Variants in ADGRL1 observed in about 807,000 individuals in gnomAD.
The protein encoded by ADGRL1 is adhesion G protein-coupled receptor L1, also known as CIRL-1.
In ADGRL1, 31 loss-of-function variants were observed where a neutral mutation model predicts 148.9. That is an observed-to-expected ratio of 0.21 (90% CI 0.16 to 0.28). The LOEUF (loss-of-function observed/expected upper bound fraction) is 0.28, where lower values mean the gene tolerates loss of function less well. ADGRL1 is among the 10% of genes least tolerant of loss of function. The pLI is 1.00. For synonymous variants in ADGRL1, 937 were observed against 900.3 expected (o/e 1.04, Z -0.73); for missense variants, 1,521 against 2,058.8 (o/e 0.74, Z 5.05).
At chr19:14,181,814 G>A (rs1971218208) in intron 2 of ADGRL1, among the ~76,000 whole-genome samples, 1 of 152,152 alleles carries the variant, frequency 6.6e-6, no homozygotes. Flanking sequence ...TACAGCCCCG[G>A]GTCATCCTGC....
chr19:14,155,535 T>TGGGG lies in ADGRL1; in HGVS notation c.3126-12_3126-9dup. ...GCCCCCAGCGCCCAGGATCTGGGAG[T>TGGGG]GGGGCGACAGGGGAGTCAAAGTACC... is the stretch of plus-strand genomic sequence containing the variant. On this transcript the variant is annotated splice_polypyrimidine_tract_variant and intron_variant, in intron 17 of 22. Coordinates refer to ENST00000361434, the MANE Select transcript of ADGRL1 (RefSeq NM_014921.5). The surrounding 1 kb of genome is among the most constrained non-coding windows in gnomAD (Gnocchi z 5.0). The TGGGG allele has an allele frequency of 6.2e-7, 1 of 1,612,624 alleles. No homozygotes were observed. The highest frequency in any genetic ancestry group is 8.5e-7 in the Non-Finnish European group (1 of 1,179,640).
chr19:14,161,692 G>A lies in ADGRL1; in HGVS notation c.1196-66C>T. Reference sequence around the variant, plus strand: ...GGCCATGCCACAGTGTGCTTGGGCAGGGGGTCCCAGGCCATCTTAGCATCT... The same window carrying A: ...GGCCATGCCACAGTGTGCTTGGGCAAGGGGTCCCAGGCCATCTTAGCATCT... On this transcript the variant is annotated intron_variant, in intron 5 of 22. Coordinates refer to ENST00000361434, the MANE Select transcript of ADGRL1 (RefSeq NM_014921.5). This position sits in a 1 kb window ranked among gnomAD's most constrained non-coding sequence, Gnocchi z 4.4. The A allele has an allele frequency of 8.7e-7, 1 of 1,152,714 alleles. No individual in the cohort carries two copies. Among genetic ancestry groups the A allele is most frequent in the Non-Finnish European group, 1.1e-6 (1 of 886,580 alleles). The allele number at this position is 1,152,714 out of a possible 1,614,324, so 71.4% of individuals were successfully genotyped here.
At chr19:14,172,365 T>C (rs1217041606) in intron 3 of ADGRL1, among the ~76,000 whole-genome samples, 5 of 151,806 alleles carry the variant, frequency 3.3e-5, no homozygotes, top group South Asian at 2.1e-4. Context: ...GAGGTTGCAG[T>C]GAGCCAAGAC....
At chr19:14,177,505 AG>A (rs930795091) in intron 3 of ADGRL1, 25 bp downstream of exon 3, 3 of 1,606,348 alleles carry the variant, frequency 1.9e-6, no homozygotes, top group African/African-American at 2.7e-5. Context: ...CACTTCATCC[AG>A]GAACTGCCAC....
intron 1 of ADGRL1, among the ~76,000 whole-genome samples, chr19:14,185,178 C>T (rs980021536): frequency 5.3e-5 from 8 of 152,182 alleles, no homozygotes; most frequent in Admixed American, 6.5e-5. Flanking sequence ...CAGGCTTGCA[C>T]GCTCAAATGT....
intron 18 of ADGRL1, among the ~76,000 whole-genome samples, chr19:14,154,102 C>T (rs931057439): frequency 6.6e-6 from 1 of 152,094 alleles, no homozygotes; most frequent in African/African-American, 2.4e-5. Context: ...CCAGATCAGA[C>T]CATAGGGGCC....
At position 14,161,023 on chromosome 19, in the gene ADGRL1, G is replaced by A. The variant is rs1969309904; in HGVS notation, c.1510+289C>T. On this transcript the variant is annotated intron_variant, in intron 6 of 22. Transcript: ENST00000361434. This position sits in a 1 kb window ranked among gnomAD's most constrained non-coding sequence, Gnocchi z 4.4. Reference sequence around the variant, plus strand: ...CAGGACACACGGCCCTGCCCTTTTTGCACTTCAGCTGGCCATCCATGTGAA... The same window carrying A: ...CAGGACACACGGCCCTGCCCTTTTTACACTTCAGCTGGCCATCCATGTGAA... Among the ~76,000 whole-genome samples, 1 of 152,100 alleles carries A rather than the reference G, an allele frequency of 6.6e-6. No homozygotes were observed. Among genetic ancestry groups the A allele is most frequent in the Admixed American group, 6.5e-5 (1 of 15,284 alleles).
At position 14,177,680 on chromosome 19, in the gene ADGRL1, G is replaced by A. The variant is rs1185379632; in HGVS notation, c.135C>T (p.Pro45=). The change falls in exon 3 of 23, where the codon CCC becomes CCT. Residue 45 remains proline (P), a synonymous_variant. Transcript: ENST00000361434. The part of the protein sequence containing the change: ...MRRELACEGY[P]IELRCPGSDV... ...CGCTGCCGGGGCACCGCAGCTCGATGGGGTAGCCTTCACACGCCAGCTCCC... is the reference window on the plus strand; with the variant it reads ...CGCTGCCGGGGCACCGCAGCTCGATAGGGTAGCCTTCACACGCCAGCTCCC... 3 of 1,614,152 alleles carry A rather than the reference G, an allele frequency of 1.9e-6. No homozygotes were observed. Among genetic ancestry groups the A allele is most frequent in the Admixed American group, 1.7e-5 (1 of 60,034 alleles).
At position 14,202,665 on chromosome 19, in the gene ADGRL1, G is replaced by C. The variant is rs563530162; in HGVS notation, c.-96+3320C>G. Among the ~76,000 whole-genome samples, 187 of 152,184 alleles carry C rather than the reference G, an allele frequency of 1.2e-3. 1 individual carries two copies. Among genetic ancestry groups the C allele is most frequent in the African/African-American group, 4.3e-3 (179 of 41,504 alleles). ...CCCCCTGCATGGTGCTGGGTGGGGA[G>C]GCAAGTGTGTGCAGATTGCATGACA... is the stretch of plus-strand genomic sequence containing the variant. On this transcript the variant is annotated intron_variant, in intron 1 of 22. Transcript: ENST00000361434.
At chr19:14,180,782 G>C (rs1020955576) in intron 2 of ADGRL1, among the ~76,000 whole-genome samples, 4 of 152,076 alleles carry the variant, frequency 2.6e-5, no homozygotes, top group Non-Finnish European at 5.9e-5. Context: ...TCAAACTCTT[G>C]AGCTCAAGCA....
chr19:14,150,745 T>G lies in ADGRL1; in HGVS notation c.*128A>C. The G allele has an allele frequency of 1.7e-6, 2 of 1,185,156 alleles. No individual in the cohort carries two copies. The highest frequency in any genetic ancestry group is 2.3e-6 in the Non-Finnish European group (2 of 852,498). 73.4% of individuals were successfully genotyped at this position (1,185,156 alleles called of 1,614,324 possible). On this transcript the variant is annotated 3_prime_UTR_variant, in exon 23 of 23. Transcript: ENST00000361434. ...TCCCCTGAGGGGACTGTAGGGCCCA[T>G]GGCTGAGGGGCACCTGGAGAGAGTG... is the stretch of plus-strand genomic sequence containing the variant.
intron 4 of ADGRL1, among the ~76,000 whole-genome samples, chr19:14,167,407 G>T (rs1257274261): frequency 6.6e-6 from 1 of 152,044 alleles, no homozygotes; most frequent in African/African-American, 2.4e-5. Flanking sequence ...AGGGAGTAGG[G>T]AGCCCCAGCT....
At position 14,159,703 on chromosome 19, in the gene ADGRL1, C is replaced by T. The variant is rs779262348; in HGVS notation, c.1839+32G>A. The T allele has an allele frequency of 6.3e-5, 102 of 1,609,402 alleles. No homozygotes were observed. Among genetic ancestry groups the T allele is most frequent in the Non-Finnish European group, 8.3e-5 (98 of 1,176,026 alleles). On this transcript the variant is annotated intron_variant, in intron 9 of 22. Transcript: ENST00000361434. The surrounding 1 kb of genome is among the most constrained non-coding windows in gnomAD (Gnocchi z 6.0). ...TAATCCCCCCATCAGCTGGAGCCCA[C>T]GGTCCTTACACTGGGACCCCCTGGG...
chr19:14,204,371 G>A (rs1972819458), intron 1 of ADGRL1, among the ~76,000 whole-genome samples: 1 of 152,026 alleles, frequency 6.6e-6, no homozygotes, highest in Admixed American at 6.6e-5. Flanking sequence ...AAGAGAATGA[G>A]GGGTGTGGAC....
At chr19:14,179,302 G>A (rs1192896691) in intron 2 of ADGRL1, among the ~76,000 whole-genome samples, 1 of 152,026 alleles carries the variant, frequency 6.6e-6, no homozygotes, top group Non-Finnish European at 1.5e-5. Flanking sequence ...AGACCATCCT[G>A]GCTAAAACGG....
intron 1 of ADGRL1, among the ~76,000 whole-genome samples, chr19:14,188,184 A>G (rs1971705247): frequency 6.6e-6 from 1 of 152,106 alleles, no homozygotes; most frequent in African/African-American, 2.4e-5. Flanking sequence ...CTAGATCCCA[A>G]TTTTGCCTTA....
In ADGRL1 at chr19:14,161,443, C is replaced by T. The variant is rs753499467; in HGVS notation, c.1379G>A (p.Arg460Gln). ...PPATAPVPST[R>Q]RPPAPNLHVS... Reference sequence around the variant, plus strand: ...GTGTAGATTCGGGGCTGGGGGCCGCCGGGTGCTGGGGACTGGGGCTGTGGC... The same window carrying T: ...GTGTAGATTCGGGGCTGGGGGCCGCTGGGTGCTGGGGACTGGGGCTGTGGC... The change falls in exon 6 of 23, where the codon CGG becomes CAG. Residue 460 changes from arginine (R) to glutamine (Q), a missense_variant. This residue lies in a region of ADGRL1 where 270 missense variants were observed against 320.4 expected (regional missense o/e 0.84). Transcript: ENST00000361434. This position sits in a 1 kb window ranked among gnomAD's most constrained non-coding sequence, Gnocchi z 4.4. The T allele has an allele frequency of 2.8e-5, 41 of 1,489,292 alleles. No individual in the cohort carries two copies. Among genetic ancestry groups the T allele is most frequent in the Admixed American group, 4.9e-5 (2 of 41,008 alleles). The allele number at this position is 1,489,292 out of a possible 1,614,324, so 92.3% of individuals were successfully genotyped here. A position where few individuals can be genotyped will look rare whatever the true frequency, so the allele number is the denominator to read the frequency against.
intron 3 of ADGRL1, 43 bp downstream of exon 3, chr19:14,177,488 A>G: frequency 6.4e-7 from 1 of 1,568,878 alleles, no homozygotes; most frequent in South Asian, 1.1e-5. Context: ...CAGTGCTTTT[A>G]GGCGGGCACT....
At chr19:14,163,431 G>A (rs1174568017) in intron 4 of ADGRL1, 25 bp from the exon 5 acceptor site, 1 of 1,494,830 alleles carries the variant, frequency 6.7e-7, no homozygotes, top group South Asian at 1.2e-5. Flanking sequence ...CGGGAGGGGA[G>A]GAGGTAGGAG....
Sources: allele counts gnomAD v4.1 joint callset (sites outside exome capture counted in the v4.1 genomes callset), GRCh38; gene constraint gnomAD v4.1.1; regional missense constraint gnomAD v4.1.1; non-coding constraint Gnocchi (gnomAD v3.1); transcripts MANE v1.5; gene names NCBI Gene and HGNC (gene_info 2026-07-23, HGNC 2026-07-21).